POLD1: variants seen among roughly 807,000 people sequenced by gnomAD.
POLD1 encodes the protein DNA polymerase delta catalytic subunit.
POLD1 carries 79 observed loss-of-function variants against 129.7 expected under a neutral mutation model. That is an observed-to-expected ratio of 0.61 (90% CI 0.51 to 0.73). The LOEUF (loss-of-function observed/expected upper bound fraction) is 0.73, where lower values mean the gene tolerates loss of function less well. Among genes scored for constraint, POLD1 ranks in the 30% least tolerant of loss-of-function variants. The probability of loss-of-function intolerance (pLI) is 0.00; values close to 1 mark genes in which losing one functional copy is unlikely to be tolerated. For synonymous variants in POLD1, 714 were observed against 683.3 expected (o/e 1.04, Z -0.70); for missense variants, 1,338 against 1,595.8 (o/e 0.84, Z 2.75).
chr19:50,405,942 G>A (rs1198125843), intron 10 of POLD1, among the ~76,000 whole-genome samples: 1 of 152,048 alleles, frequency 6.6e-6, no homozygotes, highest in Non-Finnish European at 1.5e-5. Context: ...TTGGCCCCCA[G>A]TCCATCAGGG....
chr19:50,389,896 TTTG>T (rs1304378283), intron 1 of POLD1, among the ~76,000 whole-genome samples: 7 of 149,144 alleles, frequency 4.7e-5, no homozygotes, highest in Non-Finnish European at 8.8e-5. Context: ...TGTTTTTTTT[TTTG>T]TTTTTTGTTT....
At chr19:50,413,978 T>C in intron 19 of POLD1, 99 bp downstream of exon 19, 1 of 1,268,274 alleles carries the variant, frequency 7.9e-7, no homozygotes, top group East Asian at 2.5e-5. Flanking sequence ...TGTGAAGGGA[T>C]GTTGCTGCTT....
chr19:50,406,214 C>T lies in POLD1; in HGVS notation c.1275C>T (p.Ala425=), dbSNP rs3219392. 1,949 of 1,613,918 alleles carry T rather than the reference C, an allele frequency of 1.2e-3. 12 individuals carry two copies. In the African/African-American group the frequency reaches 0.014, roughly 11 times the overall value. ...CATTCCCTTTCCTGGGCCGTGTGGC[C>T]GGCCTTTGCTCCAACATCCGGGACT... ...VQTFPFLGRV[A]GLCSNIRDSS... is the part of the protein sequence containing the mutation. Residue 425 remains alanine (A), a synonymous_variant, in exon 11 of 27, where the codon GCC becomes GCT. Coordinates refer to ENST00000440232, the MANE Select transcript of POLD1 (RefSeq NM_002691.4). This position sits in a 1 kb window ranked among gnomAD's most constrained non-coding sequence, Gnocchi z 5.5.
chr19:50,390,983 A>G (rs1237457888), intron 1 of POLD1, among the ~76,000 whole-genome samples: 1 of 152,162 alleles, frequency 6.6e-6, no homozygotes, highest in South Asian at 2.1e-4. Context: ...TTCTACACAG[A>G]CACAGCAACA....
rs1203165864 is a variant in POLD1, at chr19:50,401,391, A to ATTTTTTTTTTTTTT, written c.317-376_317-363dup. Among the ~76,000 whole-genome samples, 6 of 65,948 alleles carry ATTTTTTTTTTTTTT rather than the reference A, an allele frequency of 9.1e-5. 1 individual carries two copies. The highest frequency in any genetic ancestry group is 1.5e-4 in the Non-Finnish European group (6 of 39,002). 43.3% of individuals were successfully genotyped at this position (65,948 alleles called of 152,430 possible). ...TGTATATATATATATATATATATAT[A>ATTTTTTTTTTTTTT]TTTTTTTTTTTTTTTTTTTTTTTTC... On this transcript the variant is annotated intron_variant, in intron 3 of 26. Coordinates refer to ENST00000440232, the MANE Select transcript of POLD1 (RefSeq NM_002691.4).
intron 1 of POLD1, among the ~76,000 whole-genome samples, chr19:50,393,510 A>C (rs2038239939): frequency 6.6e-6 from 1 of 152,082 alleles, no homozygotes; most frequent in South Asian, 2.1e-4. Context: ...TCTTTACCAA[A>C]AAACAATTGG....
intron 1 of POLD1, among the ~76,000 whole-genome samples, chr19:50,397,747 A>G (rs1413770397): frequency 2.0e-5 from 3 of 152,176 alleles, no homozygotes; most frequent in Non-Finnish European, 2.9e-5. Flanking sequence ...ACAAATATAT[A>G]TAAGTAGCAG....
intron 17 of POLD1, among the ~76,000 whole-genome samples, chr19:50,412,625 T>C (rs1551554): frequency 0.067 from 10,139 of 152,146 alleles, 1,108 homozygotes; most frequent in African/African-American, 0.22. Context: ...ATGCTCTAGT[T>C]AGACAGATTT....
Position 50,413,758 on chromosome 19 carries a change from C to A in POLD1, c.2267C>A (p.Thr756Asn), listed in dbSNP as rs2122446393. 6.2e-7 allele frequency: 1 copy of A among 1,608,004 alleles called. No individual in the cohort carries two copies. The highest frequency in any genetic ancestry group is 8.5e-7 in the Non-Finnish European group (1 of 1,178,160). Residue 756 changes from threonine to asparagine, a missense_variant, in exon 19 of 27, where the codon ACT (threonine) becomes AAT (asparagine). Coordinates refer to ENST00000440232, the MANE Select transcript of POLD1 (RefSeq NM_002691.4). ...STSAKVVYGD[T>N]DSVMCRFGVS... The stretch of plus-strand genomic sequence containing the variant: ...CGCCCGCAGGTGGTGTATGGTGACA[C>A]TGACTCCGTCATGTGCCGATTCGGC...
In POLD1 at chr19:50,417,189, C is replaced by T. The variant is rs1360751694; in HGVS notation, c.3138C>T (p.Ala1046=). The part of the protein sequence containing the change: ...LYQKEVSHLN[A]LEERFSRLWT... ...GTCCCCAGGTATCCCATCTGAATGC[C>T]CTGGAGGAGCGCTTCTCGCGCCTCT... is the stretch of plus-strand genomic sequence containing the variant. The change falls in exon 26 of 27, where the codon GCC becomes GCT. Residue 1046 remains alanine (A), a synonymous_variant. Coordinates refer to ENST00000440232, the MANE Select transcript of POLD1 (RefSeq NM_002691.4). 6.2e-7 allele frequency: 1 copy of T among 1,606,532 alleles called. No individual in the cohort carries two copies. The highest frequency in any genetic ancestry group is 1.1e-5 in the South Asian group (1 of 90,072).
chr19:50,392,758 T>A (rs185283384), intron 1 of POLD1, among the ~76,000 whole-genome samples: 1 of 152,342 alleles, frequency 6.6e-6, no homozygotes, highest in Non-Finnish European at 1.5e-5. Flanking sequence ...ATTACAGGCG[T>A]GAGCCACTGC....
intron 18 of POLD1, 27 bp downstream of exon 18, chr19:50,413,548 A>G (rs1468534972): frequency 6.3e-7 from 1 of 1,574,818 alleles, no homozygotes; most frequent in Non-Finnish European, 8.7e-7. Context: ...CGCTGCCCTG[A>G]GATGGGCCCA....
Position 50,408,702 on chromosome 19 carries a change from T to TA in POLD1, c.1776-80dup. 4 of 1,543,110 alleles carry TA rather than the reference T, an allele frequency of 2.6e-6. No homozygotes were observed. In the South Asian group the frequency reaches 4.9e-5, roughly 19 times the overall value. ...CAGCCAATGAATGATTTTTTTTTTT[T>TA]AAAGGGTGAGGCCACAAGACAGGGC... is the stretch of plus-strand genomic sequence containing the variant. On this transcript the variant is annotated intron_variant, in intron 14 of 26. Coordinates refer to ENST00000440232, the MANE Select transcript of POLD1 (RefSeq NM_002691.4).
Position 50,408,836 on chromosome 19 carries a change from C to G in POLD1, c.1827C>G (p.Ser609=). The G allele has an allele frequency of 1.2e-6, 2 of 1,614,088 alleles. No homozygotes were observed. Among genetic ancestry groups the G allele is most frequent in the Non-Finnish European group, 1.7e-6 (2 of 1,180,020 alleles). The change falls in exon 15 of 27, where the codon TCC becomes TCG. Residue 609 remains serine, a synonymous_variant. Transcript: ENST00000440232. ...ATLDFSSLYP[S]IMMAHNLCYT... ...TGGACTTCTCCTCGCTGTACCCGTC[C>G]ATCATGATGGCCCACAACCTGTGTT... is the stretch of plus-strand genomic sequence containing the variant.
intron 8 of POLD1, 105 bp downstream of exon 8, chr19:50,402,846 C>T: frequency 1.4e-6 from 2 of 1,452,984 alleles, no homozygotes; most frequent in Non-Finnish European, 1.9e-6. Context: ...GGTGCCGGGG[C>T]AGGAGCACCC....
At chr19:50,415,174 A>G (rs1355892562) in intron 20 of POLD1, among the ~76,000 whole-genome samples, 184 bp downstream of exon 20, 10 of 150,618 alleles carry the variant, frequency 6.6e-5, no homozygotes, top group Admixed American at 2.0e-4. Flanking sequence ...ACAAGAGTCC[A>G]GACCCCCAGC....
In POLD1 at chr19:50,406,606, G is replaced by T. The variant is rs145603532; in HGVS notation, c.1494+89G>T. The T allele has an allele frequency of 3.2e-6, 3 of 947,476 alleles. No homozygotes were observed. In the East Asian group the frequency reaches 7.9e-5, roughly 25 times the overall value. The allele number at this position is 947,476 out of a possible 1,614,324, so 58.7% of individuals were successfully genotyped here. ...TCTGACCTCAACTTCACGCCCCCAC[G>T]TCTGACCTCACTCTTTGACCTGCTG... On this transcript the variant is annotated intron_variant, in intron 12 of 26. Transcript: ENST00000440232. This position sits in a 1 kb window ranked among gnomAD's most constrained non-coding sequence, Gnocchi z 5.5.
rs1726807 is a variant in POLD1 at position 50,406,101 on chromosome 19, G to A, written c.1243-81G>A. 3.6e-3 allele frequency: 5,462 copies of A among 1,523,542 alleles called. 174 individuals carry two copies. In the African/African-American group the frequency reaches 0.065, roughly 18 times the overall value. The allele number at this position is 1,523,542 out of a possible 1,614,324, so 94.4% of individuals were successfully genotyped here. A position where few individuals can be genotyped will look rare whatever the true frequency, so the allele number is the denominator to read the frequency against. ...CCCCTAGGGTTGTTATAAGGATGTTGTGGTTGGTCTCAATCTCCGTTCTTC... is the reference window on the plus strand; with the variant it reads ...CCCCTAGGGTTGTTATAAGGATGTTATGGTTGGTCTCAATCTCCGTTCTTC... On this transcript the variant is annotated intron_variant, in intron 10 of 26. Transcript: ENST00000440232. This position sits in a 1 kb window ranked among gnomAD's most constrained non-coding sequence, Gnocchi z 5.5.
rs200284426 is a variant in POLD1 at position 50,417,870 on chromosome 19, A to C, written c.3247A>C (p.Lys1083Gln). 4 of 1,610,032 alleles carry C rather than the reference A, an allele frequency of 2.5e-6. No individual in the cohort carries two copies. In the East Asian group the frequency reaches 8.9e-5, roughly 36 times the overall value. The change falls in exon 27 of 27, where the codon AAG (lysine) becomes CAG (glutamine). Residue 1083 changes from lysine (K) to glutamine (Q), a missense_variant. This residue lies in a region of POLD1 where 286 missense variants were observed against 277.5 expected (regional missense o/e 1.03). Coordinates refer to ENST00000440232, the MANE Select transcript of POLD1 (RefSeq NM_002691.4). ...GGACTGCCCCATCTTCTACATGCGC[A>C]AGAAGGTGCGGAAGGACCTGGAAGA... ...SRDCPIFYMR[K>Q]KVRKDLEDQE...
Sources: allele counts gnomAD v4.1 joint callset (sites outside exome capture counted in the v4.1 genomes callset), GRCh38; gene constraint gnomAD v4.1.1; regional missense constraint gnomAD v4.1.1; non-coding constraint Gnocchi (gnomAD v3.1); transcripts MANE v1.5; gene names NCBI Gene and HGNC (gene_info 2026-07-23, HGNC 2026-07-21).